EDDM3A: variants seen among roughly 807,000 people sequenced by gnomAD.
The protein encoded by EDDM3A is epididymal protein 3A.
For synonymous variants in EDDM3A, 75 were observed against 60.4 expected, an observed-to-expected ratio of 1.24 and a Z score of -1.12; for missense variants, 199 against 177.4, an observed-to-expected ratio of 1.12 and a Z score of -0.69.
the EDDM3A span, among the ~76,000 whole-genome samples, chr14:20,737,684 T>G: frequency 6.6e-6 from 1 of 152,222 alleles, no homozygotes; most frequent in Non-Finnish European, 1.5e-5. Context: ...GGGAGAAGGT[T>G]GGAGGACTTT....
chr14:20,747,700 T>C lies in EDDM3A; in HGVS notation c.120T>C (p.Ser40=), dbSNP rs768694159. The C allele has an allele frequency of 6.2e-7, 1 of 1,614,044 alleles. No individual in the cohort carries two copies. Among genetic ancestry groups the C allele is most frequent in the Non-Finnish European group, 8.5e-7 (1 of 1,179,988 alleles). ...AATTCATAAAACTTCATTACTTAAG[T>C]CCAAGTCGAGAATTCAAAGAGTACA... ...WREFIKLHYL[S]PSREFKEYKC... The change falls in exon 2 of 2, where the codon AGT becomes AGC. Residue 40 remains serine, a synonymous_variant. Transcript: ENST00000326842.
the EDDM3A span, among the ~76,000 whole-genome samples, chr14:20,739,509 C>A: frequency 1.7e-4 from 26 of 152,140 alleles, no homozygotes; most frequent in Non-Finnish European, 3.2e-4. Flanking sequence ...GAGATCCAAG[C>A]TAGGCTAACT....
rs1877662027 is a variant in EDDM3A at position 20,748,044 on chromosome 14, A to G, written c.*20A>G. Reference sequence around the variant, plus strand: ...AACTAGAAAGTCTATGCACATCCTCAGATATTGGTAGAGTATTCAGTGCTT... The same window carrying G: ...AACTAGAAAGTCTATGCACATCCTCGGATATTGGTAGAGTATTCAGTGCTT... On this transcript the variant is annotated 3_prime_UTR_variant, in exon 2 of 2. Coordinates refer to ENST00000326842, the MANE Select transcript of EDDM3A (RefSeq NM_006683.5). The G allele has an allele frequency of 6.4e-7, 1 of 1,557,208 alleles. No homozygotes were observed. The highest frequency in any genetic ancestry group is 8.7e-7 in the Non-Finnish European group (1 of 1,150,960).
chr14:20,739,249 G>A, the EDDM3A span, among the ~76,000 whole-genome samples: 1 of 152,150 alleles, frequency 6.6e-6, no homozygotes, highest in Non-Finnish European at 1.5e-5. Flanking sequence ...TGCATTTAAG[G>A]GCAATTAGTA....
Position 20,748,045 on chromosome 14 carries a change from G to A in EDDM3A, c.*21G>A, listed in dbSNP as rs759393899. On this transcript the variant is annotated 3_prime_UTR_variant, in exon 2 of 2. Coordinates refer to ENST00000326842, the MANE Select transcript of EDDM3A (RefSeq NM_006683.5). ...ACTAGAAAGTCTATGCACATCCTCAGATATTGGTAGAGTATTCAGTGCTTC... is the reference window on the plus strand; with the variant it reads ...ACTAGAAAGTCTATGCACATCCTCAAATATTGGTAGAGTATTCAGTGCTTC... The A allele has an allele frequency of 1.8e-5, 28 of 1,557,224 alleles. No individual in the cohort carries two copies. In the East Asian group the frequency reaches 5.9e-4, roughly 33 times the overall value.
At chr14:20,745,039 T>G (rs1322769941), upstream of EDDM3A, among the ~76,000 whole-genome samples, 1 of 152,076 alleles carries the variant, frequency 6.6e-6, no homozygotes, top group Non-Finnish European at 1.5e-5. Flanking sequence ...CTGGCCAACA[T>G]GGTGAAACCC....
At chr14:20,743,068 A>T (rs2139077534), upstream of EDDM3A, among the ~76,000 whole-genome samples, 1 of 152,284 alleles carries the variant, frequency 6.6e-6, no homozygotes, top group Middle Eastern at 3.4e-3. Flanking sequence ...GAAAATAGAG[A>T]TGTAATTTTC....
chr14:20,737,672 T>C, the EDDM3A span, among the ~76,000 whole-genome samples: 1 of 152,098 alleles, frequency 6.6e-6, no homozygotes, highest in Non-Finnish European at 1.5e-5. Context: ...GGCAGAAACA[T>C]AGGGAGAAGG....
At chr14:20,737,500 C>T in the EDDM3A span, among the ~76,000 whole-genome samples, 2 of 152,124 alleles carry the variant, frequency 1.3e-5, no homozygotes, top group Non-Finnish European at 2.9e-5. Flanking sequence ...CTCTATCAAC[C>T]ATACACTCAC....
At chr14:20,744,789 C>G (rs1877533775), upstream of EDDM3A, among the ~76,000 whole-genome samples, 2 of 151,788 alleles carry the variant, frequency 1.3e-5, no homozygotes, top group South Asian at 4.1e-4. Flanking sequence ...TGTCACCAAA[C>G]AGCTAAAGGT....
At chr14:20,742,231 C>A (rs963495266), upstream of EDDM3A, among the ~76,000 whole-genome samples, 2 of 152,144 alleles carry the variant, frequency 1.3e-5, no homozygotes, top group African/African-American at 2.4e-5. Flanking sequence ...GATGGGAAAC[C>A]AGATAGTGCT....
chr14:20,747,448 T>C (rs2139082769), intron 1 of EDDM3A, 107 bp from the exon 2 acceptor site: 1 of 658,894 alleles, frequency 1.5e-6, no homozygotes, highest in East Asian at 2.7e-5. Context: ...TGGAACCAAA[T>C]AGCAATATAG....
chr14:20,741,587 C>T (rs2139075927), upstream of EDDM3A, among the ~76,000 whole-genome samples: 1 of 152,252 alleles, frequency 6.6e-6, no homozygotes, highest in Non-Finnish European at 1.5e-5. Context: ...TTACTGAACT[C>T]CATGTGCCAA....
chr14:20,745,340 C>A (rs984978119), upstream of EDDM3A, among the ~76,000 whole-genome samples: 8 of 151,794 alleles, frequency 5.3e-5, no homozygotes, highest in African/African-American at 1.9e-4. Flanking sequence ...TCCTGGCTAA[C>A]ACGGTGAAAC....
the EDDM3A span, among the ~76,000 whole-genome samples, chr14:20,737,024 A>ATTT: frequency 0.021 from 3,040 of 146,878 alleles, 92 homozygotes; most frequent in East Asian, 0.094. Flanking sequence ...AGAGATGCAG[A>ATTT]CTTCTTTCTT....
chr14:20,747,786 T>C lies in EDDM3A; in HGVS notation c.206T>C (p.Ile69Thr). ...AAAGGCAAGAGCTTTCATATGTTCA[T>C]CTATAGCTTATGGTTCAAAATTCAG... Reference protein sequence around the residue: ...ALKGKSFHMFIYSLWFKIQRA... With the variant: ...ALKGKSFHMFTYSLWFKIQRA... The change falls in exon 2 of 2, where the codon ATC becomes ACC. Residue 69 changes from isoleucine (I) to threonine (T), a missense_variant. Transcript: ENST00000326842. 1 of 1,614,136 alleles carries C rather than the reference T, an allele frequency of 6.2e-7. No individual in the cohort carries two copies. The highest frequency in any genetic ancestry group is 1.1e-5 in the South Asian group (1 of 91,084).
At chr14:20,747,341 C>A (rs145102785) in intron 1 of EDDM3A, among the ~76,000 whole-genome samples, 2 of 152,042 alleles carry the variant, frequency 1.3e-5, no homozygotes, top group African/African-American at 4.8e-5. Context: ...AGGTGATACA[C>A]CCACCTTGGC....
chr14:20,745,172 G>A (rs1264225431), upstream of EDDM3A, among the ~76,000 whole-genome samples: 4 of 150,832 alleles, frequency 2.7e-5, no homozygotes, highest in Non-Finnish European at 5.9e-5. Flanking sequence ...ACTGCAGGGA[G>A]CAGTGTTTGT....
chr14:20,746,444 C>T (rs1302390366), intron 1 of EDDM3A, among the ~76,000 whole-genome samples: 1 of 152,104 alleles, frequency 6.6e-6, no homozygotes, highest in Non-Finnish European at 1.5e-5. Flanking sequence ...CTCCTCATGG[C>T]AAATGAGGAC....
Sources: allele counts gnomAD v4.1 joint callset (sites outside exome capture counted in the v4.1 genomes callset), GRCh38; gene constraint gnomAD v4.1.1; transcripts MANE v1.5; gene names NCBI Gene and HGNC (gene_info 2026-07-23, HGNC 2026-07-21).